Variants in TPD52 observed in about 807,000 individuals in gnomAD.
The protein encoded by TPD52 is tumor protein D52.
TPD52 carries 17 observed loss-of-function variants against 31.3 expected under a neutral mutation model. The ratio of observed to expected loss-of-function variants is 0.54; its 90% CI spans 0.37 to 0.82. The LOEUF is 0.82. Ranked by LOEUF, TPD52 falls within the 40% of genes least tolerant of loss-of-function variation. TPD52 has a pLI of 0.00. For missense variants in TPD52, 212 were observed against 240.1 expected (o/e 0.88, Z 0.77); for synonymous variants, 83 against 89.6 (o/e 0.93, Z 0.42).
At chr8:80,083,872 T>C (rs1815525031) in intron 1 of TPD52, among the ~76,000 whole-genome samples, 1 of 152,188 alleles carries the variant, frequency 6.6e-6, no homozygotes, top group Non-Finnish European at 1.5e-5. Flanking sequence ...AAAGTCAGCA[T>C]GCACAAGACT....
intron 1 of TPD52, among the ~76,000 whole-genome samples, chr8:80,125,796 A>G (rs1446311981): frequency 6.6e-6 from 1 of 152,222 alleles, no homozygotes; most frequent in Non-Finnish European, 1.5e-5. Context: ...TACAATTTCT[A>G]GAGATAAACT....
intron 2 of TPD52, among the ~76,000 whole-genome samples, chr8:80,063,272 T>C (rs1451793947): frequency 6.6e-6 from 1 of 152,084 alleles, no homozygotes; most frequent in Non-Finnish European, 1.5e-5. Context: ...CTCAAAAACA[T>C]GAAGGGAAAG....
chr8:80,068,552 C>T (rs1813417125), intron 1 of TPD52, among the ~76,000 whole-genome samples: 1 of 152,218 alleles, frequency 6.6e-6, no homozygotes, highest in Non-Finnish European at 1.5e-5. Context: ...TGCCTTAGTT[C>T]TCTTCATCTA....
intron 1 of TPD52, among the ~76,000 whole-genome samples, chr8:80,146,440 T>C (rs1810201031): frequency 6.6e-6 from 1 of 152,226 alleles, no homozygotes; most frequent in Admixed American, 6.5e-5. Flanking sequence ...TAAGCACATT[T>C]ATGATTTTCC....
At chr8:80,063,815 A>T (rs1443210062) in intron 2 of TPD52, among the ~76,000 whole-genome samples, 1 of 150,410 alleles carries the variant, frequency 6.6e-6, no homozygotes, top group Non-Finnish European at 1.5e-5. Flanking sequence ...AAATATAATA[A>T]AATGGTTAAT....
At chr8:80,103,008 T>C (rs1024459236) in intron 1 of TPD52, among the ~76,000 whole-genome samples, 3 of 152,216 alleles carry the variant, frequency 2.0e-5, no homozygotes, top group African/African-American at 4.8e-5. Flanking sequence ...GGAAGCTCCA[T>C]GCCCCTTCTC....
chr8:80,127,813 C>T (rs1001556293), intron 1 of TPD52: 2 of 132,576 alleles, frequency 1.5e-5, no homozygotes, highest in African/African-American at 5.3e-5. Flanking sequence ...CACACACACA[C>T]ACACACACAC....
intron 1 of TPD52, among the ~76,000 whole-genome samples, chr8:80,104,665 T>G (rs1398359262): frequency 6.6e-6 from 1 of 151,302 alleles, no homozygotes; most frequent in Non-Finnish European, 1.5e-5. Flanking sequence ...CTGCTGATTT[T>G]TTTTTTTTTT....
intron 1 of TPD52, among the ~76,000 whole-genome samples, chr8:80,152,070 G>A (rs1464240413): frequency 1.3e-5 from 2 of 152,122 alleles, no homozygotes; most frequent in African/African-American, 2.4e-5. Flanking sequence ...ATACTGCAAC[G>A]CTAGAAAGGC....
intron 3 of TPD52, among the ~76,000 whole-genome samples, chr8:80,052,279 GGAGATTAGAGAA>G (rs1228130342): frequency 6.6e-6 from 1 of 152,080 alleles, no homozygotes; most frequent in African/African-American, 2.4e-5. Flanking sequence ...CCAGCTACCT[GGAGATTAGAGAA>G]GAGAAAAGCA....
chr8:80,038,282 C>T (rs1810055237), intron 7 of TPD52, 47 bp from the exon 8 acceptor site: 1 of 1,599,094 alleles, frequency 6.3e-7, no homozygotes, highest in Admixed American at 1.7e-5. Context: ...AAACATAAAA[C>T]TAGCTGATTC....
chr8:80,036,591 A>G lies in TPD52; in HGVS notation c.*1525T>C, dbSNP rs1389760335. ...CATAATAAATATTGAGACCTATACT[A>G]CTGATAGATGGAATTTATTAAGCTT... is the stretch of plus-strand genomic sequence containing the variant. On this transcript the variant is annotated 3_prime_UTR_variant, in exon 8 of 8. Transcript: ENST00000518937. 6.6e-6 allele frequency: 1 copy of G among 152,570 alleles called. No individual in the cohort carries two copies. The highest frequency in any genetic ancestry group is 6.5e-5 in the Admixed American group (1 of 15,276). 9.5% of individuals were successfully genotyped at this position (152,570 alleles called of 1,614,324 possible). A position where few individuals can be genotyped will look rare whatever the true frequency, so the allele number is the denominator to read the frequency against.
intron 1 of TPD52, among the ~76,000 whole-genome samples, chr8:80,144,548 G>C (rs1810061546): frequency 6.6e-6 from 1 of 152,154 alleles, no homozygotes; most frequent in Non-Finnish European, 1.5e-5. Flanking sequence ...TCAGCGCTAT[G>C]AAAGATAACA....
intron 2 of TPD52, among the ~76,000 whole-genome samples, chr8:80,059,565 A>C (rs1239883964): frequency 6.6e-6 from 1 of 152,204 alleles, no homozygotes; most frequent in Non-Finnish European, 1.5e-5. Context: ...AAAAAAAAGA[A>C]AAAGACAGCC....
chr8:80,123,608 T>C (rs925457625), intron 1 of TPD52, among the ~76,000 whole-genome samples: 5 of 152,214 alleles, frequency 3.3e-5, no homozygotes, highest in Non-Finnish European at 7.3e-5. Context: ...GTTTATGGGA[T>C]AGCCAAGTAG....
rs189508409 is a variant in TPD52, at chr8:80,145,916, A to G, written c.19+25509T>C. 3.3e-3 allele frequency among the ~76,000 whole-genome samples: 502 copies of G among 152,324 alleles called. 9 individuals carry two copies. The highest frequency in any genetic ancestry group is 1.5e-3 in the Non-Finnish European group (105 of 68,036). On this transcript the variant is annotated intron_variant, in intron 1 of 7. Transcript: ENST00000518937. ...TTAAAAATCTCATATCTATAAAAAC[A>G]TGGTGGCTTTTTGTTAGTTGATTTT...
intron 7 of TPD52, among the ~76,000 whole-genome samples, chr8:80,041,737 G>T (rs1352714790): frequency 6.9e-6 from 1 of 145,932 alleles, no homozygotes; most frequent in Non-Finnish European, 1.5e-5. Flanking sequence ...GATCATCATG[G>T]CATCATTATA....
chr8:80,042,270 T>G, intron 7 of TPD52: 4 of 985,464 alleles, frequency 4.1e-6, no homozygotes, highest in Non-Finnish European at 4.8e-6. Context: ...TTTCTTGTGC[T>G]TCCTATATTC....
intron 1 of TPD52, among the ~76,000 whole-genome samples, chr8:80,076,269 G>T (rs149619470): frequency 5.2e-4 from 79 of 152,306 alleles, no homozygotes; most frequent in African/African-American, 1.8e-3. Context: ...GCCCATCAAT[G>T]ATAGACTGAA....
Sources: gnomAD v4.1 joint callset for allele counts (sites outside exome capture counted in the v4.1 genomes callset) on GRCh38, gnomAD v4.1.1 for gene constraint, MANE v1.5 for transcripts, NCBI Gene and HGNC (gene_info 2026-07-23, HGNC 2026-07-21) for gene names.